Variants in TNFSF4 observed in about 807,000 individuals in gnomAD.
TNFSF4 encodes tumor necrosis factor ligand superfamily member 4.
A neutral mutation model predicts 7.3 loss-of-function variants in TNFSF4; 4 were observed. The ratio of observed to expected loss-of-function variants is 0.55; its 90% CI spans 0.27 to 1.25. The LOEUF (loss-of-function observed/expected upper bound fraction) is 1.25. Among genes scored for constraint, TNFSF4 ranks in the 50% most tolerant of loss-of-function variants. The pLI is 0.12. For missense variants in TNFSF4, 181 were observed against 208.8 expected, an observed-to-expected ratio of 0.87 and a Z score of 0.82; for synonymous variants, 76 against 83.7, an observed-to-expected ratio of 0.91 and a Z score of 0.50.
At chr1:173,255,007 CCCT>C in the TNFSF4 span, among the ~76,000 whole-genome samples, 2 of 152,120 alleles carry the variant, frequency 1.3e-5, no homozygotes, top group Non-Finnish European at 2.9e-5. Flanking sequence ...CTGAGTCCCA[CCCT>C]TAGAGATTCT....
At chr1:173,286,178 T>C in the TNFSF4 span, among the ~76,000 whole-genome samples, 6 of 152,228 alleles carry the variant, frequency 3.9e-5, no homozygotes, top group African/African-American at 1.4e-4. Flanking sequence ...TCACCTCATA[T>C]AGTTCTATAG....
the TNFSF4 span, among the ~76,000 whole-genome samples, chr1:173,358,739 T>C: frequency 2.0e-5 from 3 of 152,218 alleles, no homozygotes; most frequent in Non-Finnish European, 4.4e-5. Flanking sequence ...TGAATGATCT[T>C]TACTCATATC....
At chr1:173,439,611 A>G in the TNFSF4 span, among the ~76,000 whole-genome samples, 1 of 152,244 alleles carries the variant, frequency 6.6e-6, no homozygotes, top group Non-Finnish European at 1.5e-5. Flanking sequence ...ATTGAAGGAA[A>G]GAAGAGAAGA....
Position 173,207,139 on chromosome 1 carries a change from T to C in TNFSF4, c.38A>G (p.Asn13Ser). Residue 13 changes from asparagine (N) to serine (S), a missense_variant, in exon 1 of 3, where the codon AAT (asparagine) becomes AGT (serine). Asn to Ser is a conservative substitution (Grantham distance 46). Coordinates refer to ENST00000281834, the MANE Select transcript of TNFSF4 (RefSeq NM_003326.5). ...RVQPLEENVG[N>S]AARPRFERNK... Reference sequence around the variant, plus strand: ...CCTCTCGAATCTTGGCCTGGCTGCATTTCCCACATTCTCTTCCAGGGGTTG... The same window carrying C: ...CCTCTCGAATCTTGGCCTGGCTGCACTTCCCACATTCTCTTCCAGGGGTTG... The C allele has an allele frequency of 6.2e-7, 1 of 1,613,778 alleles. No homozygotes were observed. Among genetic ancestry groups the C allele is most frequent in the African/African-American group, 1.3e-5 (1 of 75,024 alleles).
the TNFSF4 span, among the ~76,000 whole-genome samples, chr1:173,379,861 T>C: frequency 1.2e-4 from 18 of 152,204 alleles, no homozygotes; most frequent in African/African-American, 2.7e-4. Flanking sequence ...CCCTCATCCA[T>C]GTCCCCTATG....
the TNFSF4 span, among the ~76,000 whole-genome samples, chr1:173,332,453 C>A: frequency 1.3e-5 from 2 of 152,124 alleles, no homozygotes; most frequent in African/African-American, 2.4e-5. Flanking sequence ...ATTGCTTGAA[C>A]CCAGGAGGCG....
the TNFSF4 span, among the ~76,000 whole-genome samples, chr1:173,176,619 T>C: frequency 5.9e-5 from 9 of 152,292 alleles, no homozygotes; most frequent in South Asian, 1.9e-3. Context: ...AAAACTATTA[T>C]TGGGTATATA....
chr1:173,268,062 AG>A, the TNFSF4 span, among the ~76,000 whole-genome samples: 1 of 152,256 alleles, frequency 6.6e-6, no homozygotes, highest in East Asian at 1.9e-4. Context: ...CACCTGACAA[AG>A]CTATCTTTCA....
At chr1:173,439,848 G>T in the TNFSF4 span, among the ~76,000 whole-genome samples, 1 of 152,098 alleles carries the variant, frequency 6.6e-6, no homozygotes, top group Admixed American at 6.5e-5. Context: ...GAGGCTTGGG[G>T]GGAAGGTTGT....
chr1:173,382,959 CA>C, the TNFSF4 span, among the ~76,000 whole-genome samples: 1 of 151,998 alleles, frequency 6.6e-6, no homozygotes, highest in Non-Finnish European at 1.5e-5. Context: ...TGCATCTTTG[CA>C]GAACAAAATC....
the TNFSF4 span, among the ~76,000 whole-genome samples, chr1:173,383,334 T>C: frequency 6.6e-6 from 1 of 152,214 alleles, no homozygotes; most frequent in Non-Finnish European, 1.5e-5. Context: ...GTTTATTGAG[T>C]AGAGGTAGTA....
the TNFSF4 span, among the ~76,000 whole-genome samples, chr1:173,229,453 A>C: frequency 6.6e-6 from 1 of 152,228 alleles, no homozygotes; most frequent in Non-Finnish European, 1.5e-5. Context: ...GGAAAGGAAC[A>C]ACCAGTACCA....
chr1:173,392,092 TGA>T, the TNFSF4 span, among the ~76,000 whole-genome samples: 22 of 152,306 alleles, frequency 1.4e-4, no homozygotes, highest in Middle Eastern at 0.014. Flanking sequence ...CAAAGGCTTA[TGA>T]GAGTCAGGTG....
the TNFSF4 span, among the ~76,000 whole-genome samples, chr1:173,383,179 A>G: frequency 6.6e-6 from 1 of 152,162 alleles, no homozygotes; most frequent in Non-Finnish European, 1.5e-5. Context: ...GTAACTAAAC[A>G]TCTTACTATG....
chr1:173,395,781 T>C, the TNFSF4 span, among the ~76,000 whole-genome samples: 1 of 151,952 alleles, frequency 6.6e-6, no homozygotes, highest in Non-Finnish European at 1.5e-5. Flanking sequence ...TGAGAAAACT[T>C]TGATGATGCT....
chr1:173,386,382 G>A, the TNFSF4 span, among the ~76,000 whole-genome samples: 2 of 152,350 alleles, frequency 1.3e-5, no homozygotes, highest in Non-Finnish European at 2.9e-5. Flanking sequence ...CCTCCACCTA[G>A]ATTTCAAAGG....
the TNFSF4 span, among the ~76,000 whole-genome samples, chr1:173,223,945 G>T: frequency 6.6e-6 from 1 of 152,166 alleles, no homozygotes; most frequent in East Asian, 1.9e-4. Context: ...CACCCGGGGG[G>T]TTGCCTAGGG....
upstream of TNFSF4, among the ~76,000 whole-genome samples, chr1:173,211,220 G>A (rs1650364928): frequency 6.6e-6 from 1 of 152,206 alleles, no homozygotes; most frequent in Admixed American, 6.5e-5. Flanking sequence ...TCTGCCCTGG[G>A]ACAAGTGATA....
At chr1:173,344,114 G>A in the TNFSF4 span, among the ~76,000 whole-genome samples, 1 of 152,236 alleles carries the variant, frequency 6.6e-6, no homozygotes, top group Admixed American at 6.5e-5. Context: ...TTCACTCCCT[G>A]TGCTAAGTGC....
Sources: gnomAD v4.1 joint callset for allele counts (sites outside exome capture counted in the v4.1 genomes callset) on GRCh38, gnomAD v4.1.1 for gene constraint, MANE v1.5 for transcripts, NCBI Gene and HGNC (gene_info 2026-07-23, HGNC 2026-07-21) for gene names.